Variants in ALG5 observed in about 807,000 individuals in gnomAD.
ALG5 encodes ALG5 dolichyl-phosphate beta-glucosyltransferase, also known as dolichyl-phosphate beta-glucosyltransferase.
ALG5 carries 26 observed loss-of-function variants against 51.8 expected under a neutral mutation model. The ratio of observed to expected loss-of-function variants is 0.50; its 90% CI spans 0.37 to 0.70. The LOEUF is 0.70. Among genes scored for constraint, ALG5 ranks in the 30% least tolerant of loss-of-function variants. The pLI, the probability that ALG5 is intolerant of heterozygous loss-of-function variation, is 0.00. For synonymous variants in ALG5, 141 were observed against 136.1 expected, an observed-to-expected ratio of 1.04 and a Z score of -0.25; for missense variants, 311 against 399.3, an observed-to-expected ratio of 0.78 and a Z score of 1.88.
chr13:36,989,748 C>T (rs2059017411), intron 4 of ALG5, among the ~76,000 whole-genome samples, 172 bp from the exon 5 acceptor site: 1 of 152,144 alleles, frequency 6.6e-6, no homozygotes, highest in Admixed American at 6.5e-5. Context: ...AATCTTGGTG[C>T]CATTGACCTA....
chr13:36,978,942 A>G (rs982262196), intron 6 of ALG5, among the ~76,000 whole-genome samples: 14 of 151,918 alleles, frequency 9.2e-5, no homozygotes, highest in Non-Finnish European at 2.9e-5. Flanking sequence ...AGGAAAAAAA[A>G]AGAAAAAAAG....
chr13:36,988,903 ATT>A (rs1471018476), intron 5 of ALG5, among the ~76,000 whole-genome samples: 2 of 152,240 alleles, frequency 1.3e-5, no homozygotes, highest in South Asian at 2.1e-4. Context: ...CTCAAAGTCA[ATT>A]ATTTAGGTTT....
intron 6 of ALG5, among the ~76,000 whole-genome samples, chr13:36,981,947 C>T (rs550111486): frequency 8.5e-5 from 13 of 152,142 alleles, no homozygotes; most frequent in South Asian, 2.1e-4. Context: ...AAAAATTAGC[C>T]GGGCATGGTG....
intron 8 of ALG5, among the ~76,000 whole-genome samples, chr13:36,959,376 AG>A (rs1394728065): frequency 1.3e-5 from 2 of 152,206 alleles, no homozygotes; most frequent in Non-Finnish European, 1.5e-5. Flanking sequence ...CCACAAAAAA[AG>A]GATGTACATT....
chr13:36,978,316 A>G (rs1337911396), intron 6 of ALG5, among the ~76,000 whole-genome samples: 1 of 150,794 alleles, frequency 6.6e-6, no homozygotes, highest in Non-Finnish European at 1.5e-5. Flanking sequence ...GCTCCCAAGT[A>G]GCTGGGATTA....
chr13:36,969,787 G>A (rs965916633), intron 7 of ALG5, among the ~76,000 whole-genome samples: 51 of 152,014 alleles, frequency 3.4e-4, no homozygotes, highest in Middle Eastern at 6.8e-3. Flanking sequence ...CGCCTGCCTC[G>A]GCCTCTCAAA....
chr13:36,995,334 A>G, intron 2 of ALG5, 91 bp downstream of exon 2: 1 of 1,330,196 alleles, frequency 7.5e-7, no homozygotes, highest in Non-Finnish European at 1.0e-6. Flanking sequence ...ACATCTATTA[A>G]TGTTTTGGCA....
chr13:36,967,672 C>A, intron 7 of ALG5: 1 of 456,378 alleles, frequency 2.2e-6, no homozygotes, highest in South Asian at 1.7e-5. Context: ...TATGTCTTAC[C>A]TCTCTAAGTA....
chr13:36,968,120 T>C (rs1388242548), intron 7 of ALG5: 1 of 167,492 alleles, frequency 6.0e-6, no homozygotes, highest in Non-Finnish European at 1.3e-5. Context: ...CTTGTTTTTG[T>C]TTTTAGAACT....
intron 3 of ALG5, 89 bp from the exon 4 acceptor site, chr13:36,993,761 CT>C: frequency 2.0e-6 from 2 of 1,014,884 alleles, no homozygotes; most frequent in South Asian, 1.3e-5. Context: ...AAAACAACTG[CT>C]TTAGTGTTGA....
At chr13:36,995,693 T>C (rs2059046359) in intron 1 of ALG5, 97 bp from the exon 2 acceptor site, 4 of 1,169,828 alleles carry the variant, frequency 3.4e-6, no homozygotes, top group Admixed American at 2.8e-5. Context: ...TTTCTTTTAG[T>C]TGAATACTCA....
chr13:36,955,444 CTG>C (rs2058835166), intron 8 of ALG5, among the ~76,000 whole-genome samples: 1 of 151,790 alleles, frequency 6.6e-6, no homozygotes, highest in Non-Finnish European at 1.5e-5. Flanking sequence ...GTGGAAGACA[CTG>C]TAGTCATGCA....
chr13:36,963,998 A>C (rs2138789631), intron 8 of ALG5, among the ~76,000 whole-genome samples: 1 of 152,366 alleles, frequency 6.6e-6, no homozygotes, highest in African/African-American at 2.4e-5. Flanking sequence ...TCTTGCTCTC[A>C]TGGAGAAAGA....
intron 6 of ALG5, among the ~76,000 whole-genome samples, chr13:36,981,855 G>A (rs1390388810): frequency 3.3e-5 from 5 of 152,326 alleles, no homozygotes; most frequent in Admixed American, 6.5e-5. Flanking sequence ...TTGGGAGGCC[G>A]TGGCTGGTGG....
chr13:36,969,165 T>C (rs2058909270), intron 7 of ALG5, among the ~76,000 whole-genome samples: 1 of 152,144 alleles, frequency 6.6e-6, no homozygotes, highest in South Asian at 2.1e-4. Context: ...ATAGCATAAG[T>C]CTCATTTAAA....
At chr13:36,987,629 G>GTA (rs1444859901) in intron 5 of ALG5, among the ~76,000 whole-genome samples, 3 of 152,156 alleles carry the variant, frequency 2.0e-5, no homozygotes, top group Admixed American at 2.0e-4. Context: ...CATGCTCCGT[G>GTA]TACAGCATGC....
chr13:36,993,842 G>C (rs1236061916), intron 3 of ALG5, among the ~76,000 whole-genome samples, 170 bp from the exon 4 acceptor site: 2 of 152,204 alleles, frequency 1.3e-5, no homozygotes, highest in African/African-American at 4.8e-5. Flanking sequence ...TAAAAAGAGA[G>C]AGAGAGATCC....
At chr13:36,998,182 TCCCCGCCCGCA>T (rs2059060197) in intron 1 of ALG5, among the ~76,000 whole-genome samples, 2 of 152,006 alleles carry the variant, frequency 1.3e-5, no homozygotes, top group Non-Finnish European at 2.9e-5. Flanking sequence ...GTGAATCCAC[TCCCCGCCCGCA>T]CCCCGCCAAA....
intron 8 of ALG5, among the ~76,000 whole-genome samples, chr13:36,956,842 T>G (rs887945537): frequency 1.3e-5 from 2 of 151,940 alleles, no homozygotes; most frequent in Non-Finnish European, 2.9e-5. Context: ...CAGCAGATAT[T>G]GAAGCCAAAA....
Sources: allele counts gnomAD v4.1 joint callset (sites outside exome capture counted in the v4.1 genomes callset), GRCh38; gene constraint gnomAD v4.1.1; transcripts MANE v1.5; gene names NCBI Gene and HGNC (gene_info 2026-07-23, HGNC 2026-07-21).